The following RPS6KA1 variants were observed in gnomAD, a reference collection of about 807,000 sequenced individuals.
RPS6KA1 encodes the protein ribosomal protein S6 kinase alpha-1.
Under a neutral mutation model 91.3 loss-of-function variants are expected in RPS6KA1, and 48 were observed. The ratio of observed to expected loss-of-function variants is 0.53; its 90% CI spans 0.42 to 0.67. RPS6KA1 has a LOEUF of 0.67. Among genes scored for constraint, RPS6KA1 ranks in the 30% least tolerant of loss-of-function variants. RPS6KA1 has a pLI of 0.00. For synonymous variants in RPS6KA1, 359 were observed against 384.7 expected (o/e 0.93, Z 0.78); for missense variants, 719 against 960.5 (o/e 0.75, Z 3.32).
Position 26,561,244 on chromosome 1 carries a change from G to A in RPS6KA1, c.1431+110G>A. ...TCATCCTCTTTCCAGTGGTCATGTG[G>A]AGGGGAAGGAGGTCCCTTGGTCCCT... On this transcript the variant is annotated intron_variant, in intron 16 of 21. Transcript: ENST00000374168. The surrounding 1 kb of genome is among the most constrained non-coding windows in gnomAD (Gnocchi z 5.7). 1.9e-6 allele frequency: 2 copies of A among 1,071,164 alleles called. No homozygotes were observed. Among genetic ancestry groups the A allele is most frequent in the Non-Finnish European group, 2.8e-6 (2 of 719,712 alleles). 66.4% of individuals were successfully genotyped at this position (1,071,164 alleles called of 1,614,324 possible).
At chr1:26,543,119 G>A (rs921893) in intron 2 of RPS6KA1, 1,102,642 of 1,532,320 alleles carry the variant, frequency 0.72, 398,212 homozygotes, top group East Asian at 0.77. Flanking sequence ...AGCAGAAGTA[G>A]GAAGAGTAAC....
chr1:26,537,330 G>T (rs1294533748), intron 2 of RPS6KA1, among the ~76,000 whole-genome samples: 1 of 152,224 alleles, frequency 6.6e-6, no homozygotes, highest in Non-Finnish European at 1.5e-5. Context: ...TGGTAGAGCT[G>T]CGCTTGCCAA....
chr1:26,557,829 C>T (rs1340454958), intron 13 of RPS6KA1, among the ~76,000 whole-genome samples: 2 of 139,758 alleles, frequency 1.4e-5, no homozygotes, highest in Non-Finnish European at 1.5e-5. Context: ...CTTCCCTTCC[C>T]TCTCCTCTCC....
chr1:26,542,161 C>T (rs575603415), intron 2 of RPS6KA1, among the ~76,000 whole-genome samples: 2 of 152,226 alleles, frequency 1.3e-5, no homozygotes, highest in South Asian at 4.1e-4. Context: ...TGGAGAGTCT[C>T]CTCCCACAAA....
intron 2 of RPS6KA1, among the ~76,000 whole-genome samples, chr1:26,546,374 G>A (rs1461623005): frequency 6.6e-6 from 1 of 152,190 alleles, no homozygotes; most frequent in Non-Finnish European, 1.5e-5. Flanking sequence ...CCTAGTTGAT[G>A]GGGGAGTTTG....
chr1:26,546,896 C>T lies in RPS6KA1; in HGVS notation c.138C>T (p.Ile46=). The part of the protein sequence containing the change: ...KDEGVLKEIS[I]THHVKAGSEK... ...AGGGCGTCCTCAAGGAGATCTCCAT[C>T]ACGCACCACGTCAAGGCTGGCTCTG... Residue 46 remains isoleucine, a synonymous_variant, in exon 3 of 22, where the codon ATC becomes ATT. Coordinates refer to ENST00000374168, the MANE Select transcript of RPS6KA1 (RefSeq NM_002953.4). The T allele has an allele frequency of 6.2e-7, 1 of 1,614,140 alleles. No homozygotes were observed. The highest frequency in any genetic ancestry group is 8.5e-7 in the Non-Finnish European group (1 of 1,180,010).
Position 26,547,558 on chromosome 1 carries a change from A to G in RPS6KA1, c.307+288A>G. On this transcript the variant is annotated intron_variant, in intron 4 of 21. Transcript: ENST00000374168. This position sits in a 1 kb window ranked among gnomAD's most constrained non-coding sequence, Gnocchi z 4.1. ...ACTACCAAGCTGGTCAAGCAGAGGC[A>G]TTCTGACTGTTGATGCTAGAAGAGT... is the stretch of plus-strand genomic sequence containing the variant. 2.6e-6 allele frequency: 1 copy of G among 378,106 alleles called. No homozygotes were observed. 23.4% of individuals were successfully genotyped at this position (378,106 alleles called of 1,614,324 possible).
At chr1:26,533,309 ACCTCGTGAT>A (rs777499630) in intron 1 of RPS6KA1, among the ~76,000 whole-genome samples, 3 of 151,990 alleles carry the variant, frequency 2.0e-5, no homozygotes, top group Non-Finnish European at 4.4e-5. Context: ...CGATCTCTTG[ACCTCGTGAT>A]CCTCGTGATC....
intron 2 of RPS6KA1, chr1:26,546,091 C>T (rs1399991222): frequency 6.3e-7 from 1 of 1,579,840 alleles, no homozygotes. Context: ...CAGCAGGTGC[C>T]TGGGAAGCCA....
At position 26,558,736 on chromosome 1, in the gene RPS6KA1, C is replaced by T. The variant is rs1325238687; in HGVS notation, c.1085-71C>T. ...GCAGGTCTGGAGGCCCTGTGCTCCC[C>T]CTTTGCTGGGCTGCCTCAGGGTCGA... On this transcript the variant is annotated intron_variant, in intron 13 of 21. Transcript: ENST00000374168. This position sits in a 1 kb window ranked among gnomAD's most constrained non-coding sequence, Gnocchi z 4.0. 2 of 1,537,152 alleles carry T rather than the reference C, an allele frequency of 1.3e-6. No individual in the cohort carries two copies. The highest frequency in any genetic ancestry group is 1.9e-5 in the Admixed American group (1 of 53,276).
intron 17 of RPS6KA1, among the ~76,000 whole-genome samples, chr1:26,565,827 G>T (rs2076196590): frequency 6.6e-6 from 1 of 152,178 alleles, no homozygotes; most frequent in Non-Finnish European, 1.5e-5. Context: ...CTCCCAAAGT[G>T]CTGGGATTAC....
At chr1:26,569,169 CAAAA>C (rs61293169) in intron 17 of RPS6KA1, among the ~76,000 whole-genome samples, 2 of 139,862 alleles carry the variant, frequency 1.4e-5, no homozygotes, top group Non-Finnish European at 3.2e-5. Flanking sequence ...GACTCCATCT[CAAAA>C]AAAAAAAAAA....
chr1:26,557,289 A>G (rs1306510473), intron 13 of RPS6KA1, among the ~76,000 whole-genome samples, 189 bp downstream of exon 13: 1 of 151,966 alleles, frequency 6.6e-6, no homozygotes, highest in Non-Finnish European at 1.5e-5. Context: ...CTCTCTCACT[A>G]TGGGGCTCTG....
intron 17 of RPS6KA1, among the ~76,000 whole-genome samples, chr1:26,565,606 G>GCTGGAGTGCA (rs1368284130): frequency 2.1e-5 from 3 of 146,228 alleles, no homozygotes; most frequent in African/African-American, 7.9e-5. Context: ...TCTCGCCCAG[G>GCTGGAGTGCA]CTGGAGTGCA....
At chr1:26,548,778 G>A (rs1280674447) in intron 4 of RPS6KA1, among the ~76,000 whole-genome samples, 5 of 151,104 alleles carry the variant, frequency 3.3e-5, no homozygotes, top group Non-Finnish European at 4.4e-5. Flanking sequence ...CAGCCTGGGC[G>A]ATGAGAGCGA....
Position 26,561,119 on chromosome 1 carries a change from C to T in RPS6KA1, c.1416C>T (p.Ile472=). 6.2e-7 allele frequency: 1 copy of T among 1,613,880 alleles called. No individual in the cohort carries two copies. The highest frequency in any genetic ancestry group is 1.1e-5 in the South Asian group (1 of 91,062). Residue 472 remains isoleucine (I), a synonymous_variant, in exon 16 of 22, where the codon ATC becomes ATT. Transcript: ENST00000374168. This position sits in a 1 kb window ranked among gnomAD's most constrained non-coding sequence, Gnocchi z 5.7. ...ILLRYGQHPN[I]ITLKDVYDDG... Reference sequence around the variant, plus strand: ...TGCGGTATGGCCAGCACCCCAACATCATCACTCTGAAAGATGTGAGTGGGG... The same window carrying T: ...TGCGGTATGGCCAGCACCCCAACATTATCACTCTGAAAGATGTGAGTGGGG...
At chr1:26,557,139 C>T in intron 13 of RPS6KA1, 39 bp downstream of exon 13, 3 of 1,543,782 alleles carry the variant, frequency 1.9e-6, no homozygotes, top group Non-Finnish European at 2.7e-6. Context: ...TGGGCTGGTA[C>T]AGGAGGGAAG....
Position 26,555,465 on chromosome 1 carries a change from T to C in RPS6KA1, c.828-72T>C. ...TCTAGACTGAGCTGGGAACTAGATC[T>C]GGACAGGGGCCGGGGGAGATGGGGC... On this transcript the variant is annotated intron_variant, in intron 10 of 21. Transcript: ENST00000374168. This position sits in a 1 kb window ranked among gnomAD's most constrained non-coding sequence, Gnocchi z 4.3. The C allele has an allele frequency of 7.0e-7, 1 of 1,431,354 alleles. No individual in the cohort carries two copies. Among genetic ancestry groups the C allele is most frequent in the Non-Finnish European group, 9.6e-7 (1 of 1,039,052 alleles). 88.7% of individuals were successfully genotyped at this position (1,431,354 alleles called of 1,614,324 possible).
chr1:26,561,500 G>T lies in RPS6KA1; in HGVS notation c.1432-5G>T. On this transcript the variant is annotated splice_region_variant and splice_polypyrimidine_tract_variant and intron_variant, in intron 16 of 21. Coordinates refer to ENST00000374168, the MANE Select transcript of RPS6KA1 (RefSeq NM_002953.4). This position sits in a 1 kb window ranked among gnomAD's most constrained non-coding sequence, Gnocchi z 5.7. The stretch of plus-strand genomic sequence containing the variant: ...AGAAGAGCCTGATGGTGAGGTCTTC[G>T]GCAGGTGTATGATGATGGCAAACAC... 1 of 1,614,136 alleles carries T rather than the reference G, an allele frequency of 6.2e-7. No individual in the cohort carries two copies. Among genetic ancestry groups the T allele is most frequent in the Non-Finnish European group, 8.5e-7 (1 of 1,180,018 alleles).
Sources: gnomAD v4.1 joint callset for allele counts (sites outside exome capture counted in the v4.1 genomes callset) on GRCh38, gnomAD v4.1.1 for gene constraint, Gnocchi (gnomAD v3.1) non-coding constraint, MANE v1.5 for transcripts, NCBI Gene and HGNC (gene_info 2026-07-23, HGNC 2026-07-21) for gene names.